The following KCNQ5 variants were observed in gnomAD, a reference collection of about 807,000 sequenced individuals.
The protein encoded by KCNQ5 is potassium voltage-gated channel subfamily Q member 5.
KCNQ5 carries 30 observed loss-of-function variants against 98.2 expected under a neutral mutation model. The observed-to-expected ratio is 0.31, with a 90% CI of 0.23 to 0.41. The LOEUF (loss-of-function observed/expected upper bound fraction) is 0.41, where lower values mean the gene tolerates loss of function less well. Ranked by LOEUF, KCNQ5 falls within the 10% of genes least tolerant of loss-of-function variation. The pLI is 1.00. For synonymous variants in KCNQ5, 458 were observed against 449.4 expected (o/e 1.02, Z -0.24); for missense variants, 835 against 1,182.5 (o/e 0.71, Z 4.31).
intron 1 of KCNQ5, among the ~76,000 whole-genome samples, chr6:72,785,650 CAA>C (rs68046119): frequency 9.2e-5 from 13 of 141,604 alleles, no homozygotes; most frequent in East Asian, 2.1e-4. Context: ...AACTCCATCT[CAA>C]AAAAAAAAAA....
rs375142714 is a variant in KCNQ5 at position 72,738,629 on chromosome 6, A to G, written c.398+116042A>G. Among the ~76,000 whole-genome samples, 27 of 152,272 alleles carry G rather than the reference A, an allele frequency of 1.8e-4. No individual in the cohort carries two copies. The South Asian group carries it at 5.6e-3, about 32-fold the overall frequency. On this transcript the variant is annotated intron_variant, in intron 1 of 13. Coordinates refer to ENST00000370398, the MANE Select transcript of KCNQ5 (RefSeq NM_019842.4). ...TTTGCATGGTAGTATAGAAAAAAAA[A>G]TTTAAGAAATTAGGGCAACCAAGAT... is the stretch of plus-strand genomic sequence containing the variant.
At chr6:72,910,601 TGTGTGG>T (rs200072845) in intron 1 of KCNQ5, among the ~76,000 whole-genome samples, 5,146 of 149,868 alleles carry the variant, frequency 0.034, 168 homozygotes, top group Non-Finnish European at 0.046. Flanking sequence ...TGTGTGTGTG[TGTGTGG>T]CTGATAAATT....
intron 10 of KCNQ5, among the ~76,000 whole-genome samples, chr6:73,154,771 A>G (rs1974369): frequency 0.73 from 110,518 of 152,124 alleles, 41,214 homozygotes; most frequent in East Asian, 0.89. Context: ...AAATATTTTC[A>G]TGGGCTAATA....
intron 5 of KCNQ5, among the ~76,000 whole-genome samples, chr6:73,104,052 G>T (rs897193607): frequency 2.6e-5 from 4 of 151,780 alleles, no homozygotes; most frequent in Non-Finnish European, 5.9e-5. Context: ...AAAAAACAAG[G>T]ATGCTCACTT....
chr6:72,998,964 C>T (rs1447225736), intron 1 of KCNQ5, among the ~76,000 whole-genome samples: 1 of 152,162 alleles, frequency 6.6e-6, no homozygotes, highest in Non-Finnish European at 1.5e-5. Context: ...AACCTCAGCT[C>T]CATTTCTCCT....
At chr6:73,056,089 C>T (rs577682901) in intron 3 of KCNQ5, among the ~76,000 whole-genome samples, 1 of 152,326 alleles carries the variant, frequency 6.6e-6, no homozygotes, top group South Asian at 2.1e-4. Context: ...GAAAAGCCCC[C>T]CTTATCCAAG....
At chr6:72,928,814 G>A (rs1462103042) in intron 1 of KCNQ5, among the ~76,000 whole-genome samples, 1 of 152,072 alleles carries the variant, frequency 6.6e-6, no homozygotes, top group African/African-American at 2.4e-5. Flanking sequence ...ACCTAGCACA[G>A]TTCTCTACTC....
chr6:72,858,069 C>A (rs948653709), intron 1 of KCNQ5, among the ~76,000 whole-genome samples: 1 of 151,944 alleles, frequency 6.6e-6, no homozygotes, highest in African/African-American at 2.4e-5. Flanking sequence ...TAAGAGGTTG[C>A]GAGAAGTCAT....
intron 1 of KCNQ5, among the ~76,000 whole-genome samples, chr6:72,871,992 CAAAG>C (rs1248521329): frequency 2.0e-5 from 3 of 152,254 alleles, no homozygotes; most frequent in East Asian, 1.9e-4. Context: ...GAAACAAAAA[CAAAG>C]AAAGAAAGAG....
At chr6:72,821,872 T>G (rs1416841781) in intron 1 of KCNQ5, among the ~76,000 whole-genome samples, 3 of 152,070 alleles carry the variant, frequency 2.0e-5, no homozygotes, top group Non-Finnish European at 4.4e-5. Flanking sequence ...ATTTCTAGTT[T>G]TTCTCTCCAG....
At chr6:73,083,749 A>G (rs1367644087) in intron 5 of KCNQ5, among the ~76,000 whole-genome samples, 1 of 152,228 alleles carries the variant, frequency 6.6e-6, no homozygotes, top group Admixed American at 6.5e-5. Flanking sequence ...ATTCTCATGC[A>G]TTAATATATA....
At chr6:73,002,111 C>A (rs1041855743) in intron 1 of KCNQ5, among the ~76,000 whole-genome samples, 1 of 152,160 alleles carries the variant, frequency 6.6e-6, no homozygotes. Context: ...GCCTGGTCAA[C>A]AGAGGAAGAC....
At chr6:73,053,919 C>T (rs570410173) in intron 3 of KCNQ5, among the ~76,000 whole-genome samples, 34 of 151,224 alleles carry the variant, frequency 2.2e-4, no homozygotes, top group African/African-American at 7.8e-4. Context: ...CTTGGTTCTT[C>T]GAAAGAATAA....
At chr6:73,124,949 A>G (rs1356832175) in intron 9 of KCNQ5, among the ~76,000 whole-genome samples, 7 of 8,044 alleles carry the variant, frequency 8.7e-4, no homozygotes, top group Non-Finnish European at 1.7e-3. Context: ...ATATATATAT[A>G]TATATATATA....
chr6:72,717,095 G>A (rs1005649080), intron 1 of KCNQ5, among the ~76,000 whole-genome samples: 14 of 152,202 alleles, frequency 9.2e-5, no homozygotes, highest in African/African-American at 3.1e-4. Flanking sequence ...TCCCCATGTA[G>A]TGGAATCTCA....
rs1042505598 is a variant in KCNQ5, at chr6:73,198,604, G to C, written c.*3190G>C. ...TCATAAATATTAACTTGTCTCCCTA[G>C]AAGCTGAGATTTTTCGCCTTAAATG... On this transcript the variant is annotated 3_prime_UTR_variant, in exon 14 of 14. Coordinates refer to ENST00000370398, the MANE Select transcript of KCNQ5 (RefSeq NM_019842.4). 4.6e-5 allele frequency: 7 copies of C among 152,168 alleles called. No individual in the cohort carries two copies. Among genetic ancestry groups the C allele is most frequent in the African/African-American group, 1.7e-4 (7 of 41,446 alleles). The allele number at this position is 152,168 out of a possible 1,614,324, so 9.4% of individuals were successfully genotyped here.
At chr6:72,798,999 A>G (rs1774490111) in intron 1 of KCNQ5, among the ~76,000 whole-genome samples, 1 of 152,146 alleles carries the variant, frequency 6.6e-6, no homozygotes, top group Non-Finnish European at 1.5e-5. Context: ...TAAATTTACA[A>G]ACATTTAGTT....
intron 1 of KCNQ5, among the ~76,000 whole-genome samples, chr6:72,688,909 T>C (rs868226342): frequency 1.3e-5 from 2 of 152,202 alleles, no homozygotes; most frequent in Admixed American, 1.3e-4. Flanking sequence ...TAAAAGCTTA[T>C]TACCTCAAGA....
At chr6:72,995,382 A>AG (rs1270954936) in intron 1 of KCNQ5, among the ~76,000 whole-genome samples, 7 of 152,178 alleles carry the variant, frequency 4.6e-5, no homozygotes, top group African/African-American at 1.4e-4. Flanking sequence ...AAAAAAAAAA[A>AG]AAAGGGAAAG....
Sources: gnomAD v4.1 joint callset for allele counts (sites outside exome capture counted in the v4.1 genomes callset) on GRCh38, gnomAD v4.1.1 for gene constraint, MANE v1.5 for transcripts, NCBI Gene and HGNC (gene_info 2026-07-23, HGNC 2026-07-21) for gene names.